CNTN4: variants seen among roughly 807,000 people sequenced by gnomAD.
CNTN4 encodes the protein contactin-4.
CNTN4 carries 77 observed loss-of-function variants against 122.5 expected under a neutral mutation model. That is an observed-to-expected ratio of 0.63 (90% CI 0.52 to 0.76). The LOEUF (loss-of-function observed/expected upper bound fraction) is 0.76, where lower values mean the gene tolerates loss of function less well. CNTN4 is among the 30% of genes least tolerant of loss of function. The pLI, the probability that CNTN4 is intolerant of heterozygous loss-of-function variation, is 0.00. For missense variants in CNTN4, 1,256 were observed against 1,259.1 expected (o/e 1.00, Z 0.04); for synonymous variants, 512 against 447.0 (o/e 1.15, Z -1.83).
intron 17 of CNTN4, among the ~76,000 whole-genome samples, chr3:3,036,930 T>TTGTGGACTGTGTG: frequency 6.6e-6 from 1 of 152,228 alleles, no homozygotes; most frequent in East Asian, 1.9e-4. Context: ...GTTTGGGGTC[T>TTGTGGACTGTGTG]TGTGGACTGT....
chr3:2,930,093 T>C (rs1263282909), intron 13 of CNTN4, among the ~76,000 whole-genome samples: 2 of 152,188 alleles, frequency 1.3e-5, no homozygotes, highest in South Asian at 2.1e-4. Flanking sequence ...CAAATCAGAT[T>C]GTTCTCCACC....
chr3:2,934,425 A>T (rs2094550406), intron 13 of CNTN4, among the ~76,000 whole-genome samples: 1 of 150,478 alleles, frequency 6.6e-6, no homozygotes, highest in Non-Finnish European at 1.5e-5. Context: ...GTTGAAATTC[A>T]TGTAAGACAT....
chr3:2,643,546 G>T (rs1425213376), intron 4 of CNTN4, among the ~76,000 whole-genome samples: 1 of 152,060 alleles, frequency 6.6e-6, no homozygotes, highest in Non-Finnish European at 1.5e-5. Context: ...TACTGAGCAT[G>T]TATAGATCTA....
chr3:2,169,733 C>G (rs922937359), intron 2 of CNTN4, among the ~76,000 whole-genome samples: 2 of 152,132 alleles, frequency 1.3e-5, no homozygotes, highest in Non-Finnish European at 2.9e-5. Flanking sequence ...ATATGAAAAA[C>G]AGTAGTGAAT....
intron 2 of CNTN4, among the ~76,000 whole-genome samples, chr3:2,129,979 C>T (rs925623891): frequency 2.0e-5 from 3 of 151,818 alleles, no homozygotes; most frequent in African/African-American, 4.8e-5. Flanking sequence ...TGCTTGCACC[C>T]AAAACTATTT....
intron 3 of CNTN4, among the ~76,000 whole-genome samples, chr3:2,558,077 A>C (rs2078796278): frequency 6.6e-6 from 1 of 152,172 alleles, no homozygotes; most frequent in African/African-American, 2.4e-5. Context: ...AAAAACTCTG[A>C]TTTTCAAGCT....
intron 3 of CNTN4, among the ~76,000 whole-genome samples, chr3:2,393,843 G>A (rs1361771749): frequency 6.6e-6 from 1 of 151,988 alleles, no homozygotes; most frequent in Non-Finnish European, 1.5e-5. Context: ...AGACAGGGTA[G>A]TAGGAATCAC....
intron 2 of CNTN4, among the ~76,000 whole-genome samples, chr3:2,308,808 A>G (rs2042812173): frequency 6.6e-6 from 1 of 152,014 alleles, no homozygotes; most frequent in Admixed American, 6.6e-5. Context: ...TTTTTATATT[A>G]TTTATAAAAC....
intron 24 of CNTN4, among the ~76,000 whole-genome samples, chr3:3,054,936 G>A (rs1259667500): frequency 2.0e-5 from 3 of 152,144 alleles, no homozygotes; most frequent in Non-Finnish European, 4.4e-5. Context: ...GGAGATTAGG[G>A]GAGCAGTGAA....
At chr3:2,910,341 C>G (rs62232776) in intron 12 of CNTN4, among the ~76,000 whole-genome samples, 2 of 152,162 alleles carry the variant, frequency 1.3e-5, no homozygotes, top group Non-Finnish European at 2.9e-5. Flanking sequence ...TATATACAAT[C>G]CTATAACCAA....
chr3:2,673,660 C>G (rs1026209581), intron 4 of CNTN4, among the ~76,000 whole-genome samples: 1 of 152,264 alleles, frequency 6.6e-6, no homozygotes, highest in South Asian at 2.1e-4. Flanking sequence ...CCTGCCTCAG[C>G]CTCCCAAGTA....
At chr3:2,795,725 T>A (rs1437944392) in intron 6 of CNTN4, among the ~76,000 whole-genome samples, 2 of 151,992 alleles carry the variant, frequency 1.3e-5, no homozygotes, top group African/African-American at 4.8e-5. Context: ...TTTCACCGTG[T>A]TAGCTAGAAT....
intron 3 of CNTN4, among the ~76,000 whole-genome samples, chr3:2,423,737 T>G (rs2047699907): frequency 6.6e-6 from 1 of 152,084 alleles, no homozygotes; most frequent in African/African-American, 2.4e-5. Flanking sequence ...AAACTGATTT[T>G]TTGCTCTCTT....
At chr3:2,927,380 A>G (rs1365344783) in intron 13 of CNTN4, 1 of 450,970 alleles carries the variant, frequency 2.2e-6, no homozygotes, top group Admixed American at 2.4e-5. Context: ...TTGCCATTGC[A>G]GAAGGAAAAG....
At chr3:2,702,154 C>T in intron 4 of CNTN4, among the ~76,000 whole-genome samples, 1 of 152,170 alleles carries the variant, frequency 6.6e-6, no homozygotes, top group East Asian at 1.9e-4. Context: ...GTCTGATTGA[C>T]TTACTTTGAA....
intron 3 of CNTN4, among the ~76,000 whole-genome samples, chr3:2,469,446 C>A (rs2075611543): frequency 6.6e-6 from 1 of 152,128 alleles, no homozygotes; most frequent in South Asian, 2.1e-4. Flanking sequence ...TGCCTTATTT[C>A]TTCTTTAATC....
At chr3:2,998,405 C>T (rs1237451380) in intron 14 of CNTN4, among the ~76,000 whole-genome samples, 1 of 152,116 alleles carries the variant, frequency 6.6e-6, no homozygotes. Flanking sequence ...CTCTGACCTG[C>T]AGAACCAGAA....
chr3:2,577,185 G>A (rs1252640489), intron 4 of CNTN4, among the ~76,000 whole-genome samples: 1 of 152,084 alleles, frequency 6.6e-6, no homozygotes, highest in Admixed American at 6.5e-5. Context: ...AAACTGCTTG[G>A]AAGTCCTGCT....
intron 3 of CNTN4, among the ~76,000 whole-genome samples, chr3:2,340,713 A>AGAGAGAGAGAGAGAGAGAGAGAGAGAGG (rs1559468305): frequency 8.9e-5 from 11 of 124,110 alleles, no homozygotes; most frequent in African/African-American, 3.1e-4. Context: ...ATATATATAG[A>AGAGAGAGAGAGAGAGAGAGAGAGAGAGG]GAGAGAGAGA....
Sources: allele counts gnomAD v4.1 joint callset (sites outside exome capture counted in the v4.1 genomes callset), GRCh38; gene constraint gnomAD v4.1.1; transcripts MANE v1.5; gene names NCBI Gene and HGNC (gene_info 2026-07-23, HGNC 2026-07-21).